The following PRSS56 variants were observed in gnomAD, a reference collection of about 807,000 sequenced individuals.
PRSS56 encodes serine protease 56, also known as protease, serine 56.
A neutral mutation model predicts 66.8 loss-of-function variants in PRSS56; 55 were observed. The observed-to-expected ratio is 0.82, with a 90% CI of 0.66 to 1.03. PRSS56 has a LOEUF of 1.03. Ranked by LOEUF, PRSS56 falls within the 50% of genes least tolerant of loss-of-function variation. PRSS56 has a pLI of 0.00. For missense variants in PRSS56, 869 were observed against 837.2 expected (o/e 1.04, Z -0.47); for synonymous variants, 409 against 387.9 (o/e 1.05, Z -0.64).
chr2:232,523,123 G>T lies in PRSS56; in HGVS notation c.770G>T (p.Arg257Leu). ...RVPLLSTDTC[R>L]RALGPGLRPS... ...CCCCTGCTCAGCACCGACACCTGCC[G>T]AAGAGCCCTGGGGCCCGGGCTGCGC... is the stretch of plus-strand genomic sequence containing the variant. Residue 257 changes from arginine (R) to leucine (L), a missense_variant, in exon 7 of 13, where the codon CGA becomes CTA. Coordinates refer to ENST00000617714, the MANE Select transcript of PRSS56 (RefSeq NM_001195129.2). The T allele has an allele frequency of 6.5e-7, 1 of 1,534,632 alleles. No individual in the cohort carries two copies. The highest frequency in any genetic ancestry group is 8.7e-7 in the Non-Finnish European group (1 of 1,146,052).
At position 232,525,306 on chromosome 2, in the gene PRSS56, G is replaced by A. The variant is rs915665449; in HGVS notation, c.1612G>A (p.Gly538Ser). The change falls in exon 13 of 13, where the codon GGC becomes AGC. Residue 538 changes from glycine to serine, a missense_variant. This residue lies in a region of PRSS56 where 551 missense variants were observed against 506.9 expected (regional missense o/e 1.09). Coordinates refer to ENST00000617714, the MANE Select transcript of PRSS56 (RefSeq NM_001195129.2). Reference protein sequence around the residue: ...GLGGRHVAFSGLVGLEPATLA... With the variant: ...GLGGRHVAFSSLVGLEPATLA... Reference sequence around the variant, plus strand: ...GGGGGGCCGGCATGTGGCCTTCAGCGGCCTGGTGGGCCTGGAGCCGGCCAC... The same window carrying A: ...GGGGGGCCGGCATGTGGCCTTCAGCAGCCTGGTGGGCCTGGAGCCGGCCAC... 1.6e-5 allele frequency: 24 copies of A among 1,523,332 alleles called. No homozygotes were observed. The highest frequency in any genetic ancestry group is 7.4e-5 in the East Asian group (3 of 40,574). 94.4% of individuals were successfully genotyped at this position (1,523,332 alleles called of 1,614,324 possible).
chr2:232,525,639 G>A lies in PRSS56; in HGVS notation c.*133G>A. 6.6e-6 allele frequency: 4 copies of A among 605,626 alleles called. No homozygotes were observed. In the South Asian group the frequency reaches 1.0e-4, roughly 16 times the overall value. The allele number at this position is 605,626 out of a possible 1,614,324, so 37.5% of individuals were successfully genotyped here. ...GTGGGTGGGATGGGGTGGGGGTCCT[G>A]GGCCCCCCGTGTCTTCCCAGGTTTA... On this transcript the variant is annotated 3_prime_UTR_variant, in exon 13 of 13. Transcript: ENST00000617714.
Position 232,524,122 on chromosome 2 carries a change from C to G in PRSS56, c.1270C>G (p.Leu424Val). The change falls in exon 10 of 13, where the codon CTG (leucine) becomes GTG (valine). Residue 424 changes from leucine (L) to valine (V), a missense_variant. By Grantham distance (32) the Leu-to-Val change is conservative. Coordinates refer to ENST00000617714, the MANE Select transcript of PRSS56 (RefSeq NM_001195129.2). ...LLGPRPGLRR[L>V]APALALPAPA... is the part of the protein sequence containing the mutation. ...CGGGCCTCGTCCGGGACTGCGGCGC[C>G]TGGCCCCCGCCCTGGCTCTCCCCGC... 1 of 1,512,892 alleles carries G rather than the reference C, an allele frequency of 6.6e-7. No individual in the cohort carries two copies. Among genetic ancestry groups the G allele is most frequent in the Non-Finnish European group, 8.8e-7 (1 of 1,137,560 alleles). The allele number at this position is 1,512,892 out of a possible 1,614,324, so 93.7% of individuals were successfully genotyped here.
In PRSS56 at chr2:232,525,516, G is replaced by C. The variant is rs1476052760; in HGVS notation, c.*10G>C. 1 of 1,459,370 alleles carries C rather than the reference G, an allele frequency of 6.9e-7. No homozygotes were observed. The highest frequency in any genetic ancestry group is 2.4e-5 in the Admixed American group (1 of 42,116). 90.4% of individuals were successfully genotyped at this position (1,459,370 alleles called of 1,614,324 possible). ...CGCCAGGCAACCCTGAGCCATGTCT[G>C]GGCCCCCAGCCCCTGGGGAGGACCT... On this transcript the variant is annotated 3_prime_UTR_variant, in exon 13 of 13. Coordinates refer to ENST00000617714, the MANE Select transcript of PRSS56 (RefSeq NM_001195129.2).
intron 6 of PRSS56, 25 bp downstream of exon 6, chr2:232,522,886 C>T: frequency 6.9e-7 from 1 of 1,444,060 alleles, no homozygotes; most frequent in South Asian, 1.4e-5. Flanking sequence ...TGAGCCGGCG[C>T]GTGGTGGGAA....
Position 232,525,309 on chromosome 2 carries a change from C to T in PRSS56, c.1615C>T (p.Leu539=). 1.3e-6 allele frequency: 2 copies of T among 1,524,000 alleles called. No individual in the cohort carries two copies. Among genetic ancestry groups the T allele is most frequent in the Non-Finnish European group, 1.8e-6 (2 of 1,138,508 alleles). 94.4% of individuals were successfully genotyped at this position (1,524,000 alleles called of 1,614,324 possible). A position where few individuals can be genotyped will look rare whatever the true frequency, so the allele number is the denominator to read the frequency against. ...LGGRHVAFSG[L]VGLEPATLAR... is the part of the protein sequence containing the mutation. ...GGGCCGGCATGTGGCCTTCAGCGGC[C>T]TGGTGGGCCTGGAGCCGGCCACACT... The change falls in exon 13 of 13, where the codon CTG becomes TTG. Residue 539 remains leucine (L), a synonymous_variant. Coordinates refer to ENST00000617714, the MANE Select transcript of PRSS56 (RefSeq NM_001195129.2).
chr2:232,522,521 G>T lies in PRSS56; in HGVS notation c.453G>T (p.Pro151=). The stretch of plus-strand genomic sequence containing the variant: ...GCTGCCGCTCGACCCGCAGCGCCCC[G>T]AATGAGCTTCTGTGGACTGTGACGC... ...LTAAHCFVGA[P]NELLWTVTLA... Residue 151 remains proline, a synonymous_variant, in exon 5 of 13, where the codon CCG becomes CCT. Coordinates refer to ENST00000617714, the MANE Select transcript of PRSS56 (RefSeq NM_001195129.2). The T allele has an allele frequency of 6.5e-7, 1 of 1,530,782 alleles. No homozygotes were observed. Among genetic ancestry groups the T allele is most frequent in the Non-Finnish European group, 8.7e-7 (1 of 1,144,466 alleles). 94.8% of individuals were successfully genotyped at this position (1,530,782 alleles called of 1,614,324 possible). A position where few individuals can be genotyped will look rare whatever the true frequency, so the allele number is the denominator to read the frequency against.
intron 1 of PRSS56, 135 bp downstream of exon 1, chr2:232,520,830 G>A (rs1294016907): frequency 5.0e-6 from 3 of 599,190 alleles, no homozygotes; most frequent in East Asian, 5.6e-5. Flanking sequence ...ACCCTGCTGC[G>A]AGAAGGGGCC....
At chr2:232,522,278 G>A in intron 4 of PRSS56, 118 bp downstream of exon 4, 1 of 1,051,170 alleles carries the variant, frequency 9.5e-7, no homozygotes, top group East Asian at 3.3e-5. Flanking sequence ...CCTGGCGGCG[G>A]CCGGCCCCGG....
At position 232,525,523 on chromosome 2, in the gene PRSS56, C is replaced by T. The variant is rs1022663511; in HGVS notation, c.*17C>T. On this transcript the variant is annotated 3_prime_UTR_variant, in exon 13 of 13. Coordinates refer to ENST00000617714, the MANE Select transcript of PRSS56 (RefSeq NM_001195129.2). ...CAACCCTGAGCCATGTCTGGGCCCC[C>T]AGCCCCTGGGGAGGACCTACTGCTC... is the stretch of plus-strand genomic sequence containing the variant. The T allele has an allele frequency of 1.9e-5, 27 of 1,449,448 alleles. No homozygotes were observed. The African/African-American group carries it at 3.1e-4, about 17-fold the overall frequency. The allele number at this position is 1,449,448 out of a possible 1,614,324, so 89.8% of individuals were successfully genotyped here. A position where few individuals can be genotyped will look rare whatever the true frequency, so the allele number is the denominator to read the frequency against.
rs1318445516 is a variant in PRSS56 at position 232,524,314 on chromosome 2, G to A, written c.1359G>A (p.Arg453=). Residue 453 remains arginine (R), a synonymous_variant, in exon 11 of 13, where the codon CGG becomes CGA. Transcript: ENST00000617714. ...ARELRLHSGS[R]AAGTRFPKRR... ...AACCCTGTGCCTCCCCAGGATCGCG[G>A]GCTGCAGGCACTCGGTTCCCGAAGC... is the stretch of plus-strand genomic sequence containing the variant. 1 of 1,535,646 alleles carries A rather than the reference G, an allele frequency of 6.5e-7. No homozygotes were observed. Among genetic ancestry groups the A allele is most frequent in the Non-Finnish European group, 8.7e-7 (1 of 1,146,844 alleles).
chr2:232,522,129 T>G lies in PRSS56; in HGVS notation c.415T>G (p.Trp139Gly). 1 of 1,517,302 alleles carries G rather than the reference T, an allele frequency of 6.6e-7. No individual in the cohort carries two copies. The highest frequency in any genetic ancestry group is 8.8e-7 in the Non-Finnish European group (1 of 1,139,408). The allele number at this position is 1,517,302 out of a possible 1,614,324, so 94.0% of individuals were successfully genotyped here. A position where few individuals can be genotyped will look rare whatever the true frequency, so the allele number is the denominator to read the frequency against. The change falls in exon 4 of 13, where the codon TGG (tryptophan) becomes GGG (glycine). Residue 139 changes from tryptophan to glycine, a missense_variant. Trp to Gly is a radical substitution (Grantham distance 184). This residue lies in a region of PRSS56 where 315 missense variants were observed against 313.7 expected (regional missense o/e 1.00). Coordinates refer to ENST00000617714, the MANE Select transcript of PRSS56 (RefSeq NM_001195129.2). The stretch of plus-strand genomic sequence containing the variant: ...CGGCGGCGTCCTGGTAGCGGCCTCC[T>G]GGGTGCTCACGGCAGCGCACTGCTT... The part of the protein sequence containing the change: ...LCGGVLVAAS[W>G]VLTAAHCFVG...
Position 232,520,456 on chromosome 2 carries a change from G to C in PRSS56, c.-143G>C, listed in dbSNP as rs1295159260. The C allele has an allele frequency of 1.4e-6, 1 of 702,500 alleles. No individual in the cohort carries two copies. Among genetic ancestry groups the C allele is most frequent in the Non-Finnish European group, 2.5e-6 (1 of 395,828 alleles). 43.5% of individuals were successfully genotyped at this position (702,500 alleles called of 1,614,324 possible). ...GCGGGTAATTTTGATGTAAGAGAAC[G>C]GGGTCAGATGATTTGAGGGACAAGA... On this transcript the variant is annotated 5_prime_UTR_variant, in exon 1 of 13. Transcript: ENST00000617714.
chr2:232,524,690 C>T, intron 11 of PRSS56, 48 bp from the exon 12 acceptor site: 2 of 1,369,228 alleles, frequency 1.5e-6, no homozygotes, highest in South Asian at 2.7e-5. Flanking sequence ...ACCCCCAGTT[C>T]CATACCGCAA....
chr2:232,522,359 G>A (rs924175828), intron 4 of PRSS56, 156 bp from the exon 5 acceptor site: 8 of 806,692 alleles, frequency 9.9e-6, no homozygotes, highest in African/African-American at 9.1e-5. Flanking sequence ...ACGGCCGGGC[G>A]AGTTCGCCCC....
At chr2:232,523,257 G>A (rs1251439613) in intron 7 of PRSS56, 55 bp downstream of exon 7, 3 of 1,422,752 alleles carry the variant, frequency 2.1e-6, no homozygotes, top group Non-Finnish European at 2.7e-6. Context: ...GGGCCACTAC[G>A]GCCTCTTTTC....
rs1236914116 is a variant in PRSS56, at chr2:232,522,539, T to C, written c.471T>C (p.Thr157=). Residue 157 remains threonine (T), a synonymous_variant, in exon 5 of 13, where the codon ACT becomes ACC. Transcript: ENST00000617714. ...GCGCCCCGAATGAGCTTCTGTGGAC[T>C]GTGACGCTGGCAGAGGGGTCCCGGG... is the stretch of plus-strand genomic sequence containing the variant. The part of the protein sequence containing the change: ...FVGAPNELLW[T]VTLAEGSRGE... 3.3e-6 allele frequency: 5 copies of C among 1,534,658 alleles called. No homozygotes were observed. Among genetic ancestry groups the C allele is most frequent in the African/African-American group, 1.4e-5 (1 of 72,976 alleles).
rs552334838 is a variant in PRSS56 at position 232,524,786 on chromosome 2, G to T, written c.1463G>T (p.Gly488Val). Residue 488 changes from glycine (G) to valine (V), a missense_variant, in exon 12 of 13, where the codon GGG (glycine) becomes GTG (valine). Transcript: ENST00000617714. Reference sequence around the variant, plus strand: ...CGACAGAAGTTGGCTGCCCTGCAGGGGGCCCATGCCTGGATCCTGCAGGTC... The same window carrying T: ...CGACAGAAGTTGGCTGCCCTGCAGGTGGCCCATGCCTGGATCCTGCAGGTC... ...PLRQKLAALQGAHAWILQVPS... is the reference protein window; with the variant it reads ...PLRQKLAALQVAHAWILQVPS... The T allele has an allele frequency of 1.3e-6, 2 of 1,534,090 alleles. No individual in the cohort carries two copies. Among genetic ancestry groups the T allele is most frequent in the African/African-American group, 1.4e-5 (1 of 73,086 alleles).
chr2:232,525,113 C>A (rs949744255), intron 12 of PRSS56, 103 bp from the exon 13 acceptor site: 2 of 1,173,644 alleles, frequency 1.7e-6, no homozygotes, highest in African/African-American at 1.6e-5. Context: ...GTTTCCAGGT[C>A]TAGGTGAGAG....
Sources: allele counts gnomAD v4.1 joint callset, GRCh38; gene constraint gnomAD v4.1.1; regional missense constraint gnomAD v4.1.1; transcripts MANE v1.5; gene names NCBI Gene and HGNC (gene_info 2026-07-23, HGNC 2026-07-21).